TAFA1: variants seen among roughly 807,000 people sequenced by gnomAD.
The protein encoded by TAFA1 is TAFA chemokine like family member 1, also known as chemokine-like protein TAFA-1.
Under a neutral mutation model 18.5 loss-of-function variants are expected in TAFA1, and 4 were observed. That is an observed-to-expected ratio of 0.22 (90% confidence interval 0.11 to 0.49). TAFA1 has a LOEUF of 0.49. Ranked by LOEUF, TAFA1 falls within the 20% of genes least tolerant of loss-of-function variation. TAFA1 has a pLI of 0.98. For missense variants in TAFA1, 147 were observed against 169.0 expected, an observed-to-expected ratio of 0.87 and a Z score of 0.72; for synonymous variants, 56 against 55.2, an observed-to-expected ratio of 1.01 and a Z score of -0.06.
chr3:68,475,784 A>G (rs1005979491), intron 3 of TAFA1, among the ~76,000 whole-genome samples: 2 of 151,448 alleles, frequency 1.3e-5, no homozygotes, highest in African/African-American at 4.8e-5. Flanking sequence ...CAACAGTGTA[A>G]AAGTGTTCCT....
At chr3:68,435,049 G>C (rs957247052) in intron 3 of TAFA1, among the ~76,000 whole-genome samples, 7 of 152,122 alleles carry the variant, frequency 4.6e-5, no homozygotes, top group African/African-American at 9.7e-5. Context: ...TGTGTGATGT[G>C]TGCTCTGATG....
At chr3:68,102,898 A>G (rs1352220399) in intron 2 of TAFA1, among the ~76,000 whole-genome samples, 1 of 152,182 alleles carries the variant, frequency 6.6e-6, no homozygotes, top group Admixed American at 6.5e-5. Context: ...GGCTGTGTCC[A>G]TCCAGAACCA....
intron 2 of TAFA1, among the ~76,000 whole-genome samples, chr3:68,136,361 A>G (rs1474447188): frequency 6.6e-6 from 1 of 152,228 alleles, no homozygotes; most frequent in Admixed American, 6.5e-5. Context: ...ACTTAAATGC[A>G]AATAGTCAGG....
intron 2 of TAFA1, among the ~76,000 whole-genome samples, chr3:68,091,336 A>G (rs2065027897): frequency 6.6e-6 from 1 of 152,118 alleles, no homozygotes; most frequent in East Asian, 1.9e-4. Flanking sequence ...TAGTATGTTT[A>G]TTGTTTTTTC....
At chr3:68,096,463 G>C (rs2065087966) in intron 2 of TAFA1, among the ~76,000 whole-genome samples, 1 of 152,100 alleles carries the variant, frequency 6.6e-6, no homozygotes, top group South Asian at 2.1e-4. Flanking sequence ...TAAATGACTT[G>C]CCAAGATAGT....
chr3:68,287,328 C>T (rs62248317), intron 2 of TAFA1, among the ~76,000 whole-genome samples: 5,595 of 152,284 alleles, frequency 0.037, 140 homozygotes, highest in East Asian at 0.067. Flanking sequence ...CTCCTGCTGA[C>T]TATGAAAACC....
rs145304682 is a variant in TAFA1, at chr3:68,520,737, T to A, written c.260-18019T>A. On this transcript the variant is annotated intron_variant, in intron 3 of 4. Transcript: ENST00000478136. The stretch of plus-strand genomic sequence containing the variant: ...GGACAGTGTGATCATGCATGTAAAG[T>A]GGAGGGACACATGATAAGGACAGAA... Among the ~76,000 whole-genome samples, 968 of 152,270 alleles carry A rather than the reference T, an allele frequency of 6.4e-3. 12 individuals carry two copies. The highest frequency in any genetic ancestry group is 0.022 in the African/African-American group (894 of 41,556).
At chr3:68,106,974 GT>G in intron 2 of TAFA1, among the ~76,000 whole-genome samples, 1 of 152,264 alleles carries the variant, frequency 6.6e-6, no homozygotes, top group Admixed American at 6.5e-5. Context: ...CTCATACATT[GT>G]TGGTAGGAAT....
At chr3:68,082,131 T>C (rs529099091) in intron 2 of TAFA1, among the ~76,000 whole-genome samples, 10 of 152,344 alleles carry the variant, frequency 6.6e-5, no homozygotes, top group Middle Eastern at 6.8e-3. Context: ...CCCTGACCCC[T>C]TGCGCTTCCC....
chr3:68,418,380 T>C (rs568272809), intron 3 of TAFA1, among the ~76,000 whole-genome samples: 2 of 151,624 alleles, frequency 1.3e-5, no homozygotes, highest in Admixed American at 6.6e-5. Context: ...TGAGCCAGGA[T>C]GAGCCAGGAA....
chr3:68,037,866 C>T (rs879678967), intron 2 of TAFA1, among the ~76,000 whole-genome samples: 31 of 152,264 alleles, frequency 2.0e-4, no homozygotes, highest in Admixed American at 7.2e-4. Flanking sequence ...CATATTTTCA[C>T]GGCATGCCAT....
At chr3:68,260,816 C>G (rs570254078) in intron 2 of TAFA1, among the ~76,000 whole-genome samples, 9 of 152,210 alleles carry the variant, frequency 5.9e-5, no homozygotes, top group African/African-American at 1.9e-4. Flanking sequence ...CCATAAAAAT[C>G]CTAGAAGAAA....
At chr3:68,241,240 T>C (rs984774913) in intron 2 of TAFA1, among the ~76,000 whole-genome samples, 1 of 152,142 alleles carries the variant, frequency 6.6e-6, no homozygotes, top group Non-Finnish European at 1.5e-5. Flanking sequence ...ACTTGACCTA[T>C]TGGAAGGAGT....
intron 3 of TAFA1, among the ~76,000 whole-genome samples, chr3:68,486,731 T>A (rs34442243): frequency 0.22 from 33,177 of 152,164 alleles, 3,917 homozygotes; most frequent in African/African-American, 0.29. Context: ...TGCAGCATTA[T>A]TTATCATTAA....
At chr3:68,313,753 C>T (rs2068561023) in intron 2 of TAFA1, among the ~76,000 whole-genome samples, 2 of 152,190 alleles carry the variant, frequency 1.3e-5, no homozygotes, top group Non-Finnish European at 1.5e-5. Context: ...ACTGGATGGA[C>T]TTGTGTTGTT....
chr3:68,142,990 GT>G (rs2065689012), intron 2 of TAFA1, among the ~76,000 whole-genome samples: 1 of 151,620 alleles, frequency 6.6e-6, no homozygotes, highest in Admixed American at 6.6e-5. Context: ...AACCTTCTTG[GT>G]TTCGATTGCT....
chr3:68,482,538 A>G (rs1345244728), intron 3 of TAFA1, among the ~76,000 whole-genome samples: 2 of 152,168 alleles, frequency 1.3e-5, no homozygotes, highest in East Asian at 1.9e-4. Context: ...AGGGGATAAC[A>G]TTTCCCCTAG....
intron 2 of TAFA1, among the ~76,000 whole-genome samples, chr3:68,184,032 A>G (rs2066239768): frequency 6.6e-6 from 1 of 152,162 alleles, no homozygotes; most frequent in South Asian, 2.1e-4. Flanking sequence ...TAACCTGAAC[A>G]AAAAACTCAA....
intron 3 of TAFA1, among the ~76,000 whole-genome samples, chr3:68,444,403 T>C (rs1474463718): frequency 6.6e-6 from 1 of 152,116 alleles, no homozygotes; most frequent in Non-Finnish European, 1.5e-5. Flanking sequence ...GTGACAAGCA[T>C]TATTTTCTCA....
Sources: gnomAD v4.1 joint callset for allele counts (sites outside exome capture counted in the v4.1 genomes callset) on GRCh38, gnomAD v4.1.1 for gene constraint, MANE v1.5 for transcripts, NCBI Gene and HGNC (gene_info 2026-07-23, HGNC 2026-07-21) for gene names.